The following DENND2C variants were observed in gnomAD, a reference collection of about 807,000 sequenced individuals.
The protein encoded by DENND2C is DENN domain-containing protein 2C.
In DENND2C, 72 loss-of-function variants were observed where a neutral mutation model predicts 112.4. The ratio of observed to expected loss-of-function variants is 0.64; its 90% CI spans 0.53 to 0.78. The LOEUF (loss-of-function observed/expected upper bound fraction) is 0.78, where lower values mean the gene tolerates loss of function less well. Among genes scored for constraint, DENND2C ranks in the 30% least tolerant of loss-of-function variants. The pLI, the probability that DENND2C is intolerant of heterozygous loss-of-function variation, is 0.00. For missense variants in DENND2C, 992 were observed against 1,113.8 expected, an observed-to-expected ratio of 0.89 and a Z score of 1.56; for synonymous variants, 329 against 381.6, an observed-to-expected ratio of 0.86 and a Z score of 1.61.
chr1:114,612,466 C>T (rs1454545807), intron 8 of DENND2C, among the ~76,000 whole-genome samples: 1 of 151,584 alleles, frequency 6.6e-6, no homozygotes, highest in Non-Finnish European at 1.5e-5. Flanking sequence ...ATCCCCCCTA[C>T]CTCAGCTTCC....
Position 114,584,918 on chromosome 1 carries a change from T to C in DENND2C, c.*682A>G, listed in dbSNP as rs1329803023. 6.6e-6 allele frequency: 1 copy of C among 152,136 alleles called. No homozygotes were observed. The highest frequency in any genetic ancestry group is 2.4e-5 in the African/African-American group (1 of 41,440). 9.4% of individuals were successfully genotyped at this position (152,136 alleles called of 1,614,324 possible). On this transcript the variant is annotated 3_prime_UTR_variant, in exon 21 of 21. Transcript: ENST00000393274. ...CATCCAGCCTCCACAAAGTTTAATG[T>C]TGACATGTGAGGCACAAGCAAACTA... is the stretch of plus-strand genomic sequence containing the variant.
At chr1:114,658,641 T>C (rs1657396630) in intron 1 of DENND2C, among the ~76,000 whole-genome samples, 1 of 152,064 alleles carries the variant, frequency 6.6e-6, no homozygotes, top group Non-Finnish European at 1.5e-5. Context: ...GGAAAATCGA[T>C]ATTTTTTAAA....
intron 16 of DENND2C, among the ~76,000 whole-genome samples, chr1:114,598,993 TTTTA>T (rs1292466805): frequency 6.6e-6 from 1 of 152,140 alleles, no homozygotes; most frequent in Non-Finnish European, 1.5e-5. Flanking sequence ...TTGAAATAAT[TTTTA>T]AAGTTAATCC....
intron 8 of DENND2C, among the ~76,000 whole-genome samples, chr1:114,617,893 T>A (rs1656020073): frequency 6.6e-6 from 1 of 152,190 alleles, no homozygotes; most frequent in South Asian, 2.1e-4. Context: ...ATCCAATAGT[T>A]ATTACTTGGC....
At position 114,625,654 on chromosome 1, in the gene DENND2C, C is replaced by A. The variant is rs372756342; in HGVS notation, c.331G>T (p.Glu111Ter). ...EYDDTHFFKN[E>*]SESNWVCSRV... ...GAACATACCCAGTTGGATTCTGATT[C>A]ATTTTTAAAGAAGTGTGTATCGTCA... Residue 111 changes from glutamate (E) to a stop codon, truncating the protein, a stop_gained, in exon 4 of 21, where the codon GAA (glutamate) becomes TAA (stop). Coordinates refer to ENST00000393274, the MANE Select transcript of DENND2C (RefSeq NM_001256404.2). LOFTEE classifies it high-confidence loss of function. 5.6e-6 allele frequency: 9 copies of A among 1,613,974 alleles called. No individual in the cohort carries two copies. The highest frequency in any genetic ancestry group is 1.3e-5 in the African/African-American group (1 of 74,914).
intron 17 of DENND2C, chr1:114,595,557 G>T: frequency 3.1e-6 from 1 of 322,790 alleles, no homozygotes; most frequent in Non-Finnish European, 5.7e-6. Context: ...AGGCTTATGT[G>T]TCGACCCACC....
At chr1:114,650,601 G>T (rs1226326118) in intron 2 of DENND2C, among the ~76,000 whole-genome samples, 1 of 148,502 alleles carries the variant, frequency 6.7e-6, no homozygotes, top group Non-Finnish European at 1.5e-5. Flanking sequence ...GCAAACCCAG[G>T]AGGTGGAGCT....
rs146141437 is a variant in DENND2C, at chr1:114,608,822, T to C, written c.1421A>G (p.His474Arg). The change falls in exon 10 of 21, where the codon CAC becomes CGC. Residue 474 changes from histidine (H) to arginine (R), a missense_variant. Physicochemically the swap from His to Arg is conservative, Grantham distance 29 (BLOSUM62 0). This residue lies in a region of DENND2C where 516 missense variants were observed against 623.6 expected (regional missense o/e 0.83). Coordinates refer to ENST00000393274, the MANE Select transcript of DENND2C (RefSeq NM_001256404.2). ...QLQPSSKRNPHYQTLERDLIE... is the reference protein window; with the variant it reads ...QLQPSSKRNPRYQTLERDLIE... ...AAGATCCCGCTCCAAGGTCTGGTAG[T>C]GAGGATTCCTCTTGGAAGACGGTTG... 7.7e-5 allele frequency: 125 copies of C among 1,614,104 alleles called. No homozygotes were observed. Among genetic ancestry groups the C allele is most frequent in the Non-Finnish European group, 1.0e-4 (119 of 1,180,040 alleles).
chr1:114,657,902 G>A (rs963514824), intron 1 of DENND2C, among the ~76,000 whole-genome samples: 1 of 152,160 alleles, frequency 6.6e-6, no homozygotes, highest in African/African-American at 2.4e-5. Flanking sequence ...ATAAAGCAAA[G>A]ACCTAAAGAA....
chr1:114,591,183 G>A (rs947839179), intron 18 of DENND2C, among the ~76,000 whole-genome samples: 5 of 152,082 alleles, frequency 3.3e-5, no homozygotes, highest in South Asian at 2.1e-4. Flanking sequence ...ACACAGGCTC[G>A]TCTTGAACTC....
intron 8 of DENND2C, 30 bp from the exon 9 acceptor site, chr1:114,611,147 A>G: frequency 6.2e-7 from 1 of 1,613,568 alleles, no homozygotes; most frequent in Non-Finnish European, 8.5e-7. Context: ...TTCCATTTGT[A>G]TTGTCCAACA....
intron 16 of DENND2C, among the ~76,000 whole-genome samples, chr1:114,598,381 A>G (rs1231052509): frequency 6.6e-6 from 1 of 152,222 alleles, no homozygotes; most frequent in Non-Finnish European, 1.5e-5. Flanking sequence ...TATATATACC[A>G]TATGAATCTA....
chr1:114,598,895 T>C (rs1213763487), intron 16 of DENND2C, among the ~76,000 whole-genome samples: 1 of 152,108 alleles, frequency 6.6e-6, no homozygotes, highest in Non-Finnish European at 1.5e-5. Context: ...TTGGCCAGGC[T>C]GGTTTCAAAC....
At chr1:114,657,224 T>A (rs544303519) in intron 1 of DENND2C, among the ~76,000 whole-genome samples, 11 of 152,358 alleles carry the variant, frequency 7.2e-5, no homozygotes, top group Admixed American at 7.2e-4. Context: ...CACTGTGGTT[T>A]CCATGTCAAC....
chr1:114,599,164 T>A, intron 16 of DENND2C, 110 bp downstream of exon 16: 1 of 732,488 alleles, frequency 1.4e-6, no homozygotes, highest in African/African-American at 1.8e-5. Flanking sequence ...AGAAATATTA[T>A]AAATAGCATA....
intron 11 of DENND2C, among the ~76,000 whole-genome samples, chr1:114,604,440 A>G (rs1450047098): frequency 6.6e-6 from 1 of 152,178 alleles, no homozygotes; most frequent in African/African-American, 2.4e-5. Context: ...TCCTTTCTTA[A>G]TATACTACAC....
intron 8 of DENND2C, among the ~76,000 whole-genome samples, chr1:114,613,423 A>G: frequency 6.6e-6 from 1 of 152,226 alleles, no homozygotes; most frequent in East Asian, 1.9e-4. Flanking sequence ...CCTATTCTTA[A>G]GATAGGTGGG....
In DENND2C at chr1:114,626,073, A is replaced by G. The variant is rs1472164986; in HGVS notation, c.-89T>C. The G allele has an allele frequency of 3.1e-6, 4 of 1,291,032 alleles. No homozygotes were observed. Among genetic ancestry groups the G allele is most frequent in the African/African-American group, 1.5e-5 (1 of 67,458 alleles). 80.0% of individuals were successfully genotyped at this position (1,291,032 alleles called of 1,614,324 possible). On this transcript the variant is annotated 5_prime_UTR_variant, in exon 4 of 21. Transcript: ENST00000393274. ...AATATTGTATTCTTTATCCTGTCAG[A>G]ATCCAAATGATTCCAGTATTTTCCC...
intron 18 of DENND2C, 122 bp downstream of exon 18, chr1:114,594,351 A>AT (rs1160733603): frequency 3.8e-6 from 3 of 782,584 alleles, no homozygotes; most frequent in Non-Finnish European, 6.2e-6. Flanking sequence ...TGATTATAGG[A>AT]TTTTCAGCGC....
Sources: gnomAD v4.1 joint callset for allele counts (sites outside exome capture counted in the v4.1 genomes callset) on GRCh38, gnomAD v4.1.1 for gene constraint, gnomAD v4.1.1 regional missense constraint, MANE v1.5 for transcripts, NCBI Gene and HGNC (gene_info 2026-07-23, HGNC 2026-07-21) for gene names.